The following ECHDC2 variants were observed in gnomAD, a reference collection of about 807,000 sequenced individuals.
ECHDC2 encodes the protein enoyl-CoA hydratase domain-containing protein 2, mitochondrial.
Under a neutral mutation model 40.6 loss-of-function variants are expected in ECHDC2, and 34 were observed. The ratio of observed to expected loss-of-function variants is 0.84; its 90% CI spans 0.64 to 1.11. ECHDC2 has a LOEUF of 1.11. Ranked by LOEUF, ECHDC2 falls within the 50% of genes most tolerant of loss-of-function variation. The probability of loss-of-function intolerance (pLI) is 0.00; values close to 1 mark genes in which losing one functional copy is unlikely to be tolerated. For missense variants in ECHDC2, 392 were observed against 400.7 expected (o/e 0.98, Z 0.19); for synonymous variants, 162 against 166.6 (o/e 0.97, Z 0.21).
At chr1:52,905,348 G>A (rs186542600) in intron 5 of ECHDC2, 52 of 545,914 alleles carry the variant, frequency 9.5e-5, no homozygotes, top group Non-Finnish European at 1.5e-4. Context: ...AGCCTCAAAG[G>A]TGGAAGAAAG....
chr1:52,900,045 C>T (rs1039495645), intron 7 of ECHDC2: 4 of 150,924 alleles, frequency 2.7e-5, no homozygotes, highest in Admixed American at 6.6e-5. Flanking sequence ...AGATGAATTT[C>T]CTTGATTTAC....
At chr1:52,897,676 C>T (rs1476295397) in intron 8 of ECHDC2, 192 bp from the exon 9 acceptor site, 8 of 640,084 alleles carry the variant, frequency 1.2e-5, no homozygotes, top group Non-Finnish European at 2.3e-5. Flanking sequence ...CAGACTGAGA[C>T]ATTTTGCCAG....
At chr1:52,918,244 CA>C (rs1474346122) in intron 1 of ECHDC2, among the ~76,000 whole-genome samples, 1 of 151,866 alleles carries the variant, frequency 6.6e-6, no homozygotes, top group Non-Finnish European at 1.5e-5. Flanking sequence ...AGGCTGGTCT[CA>C]AACTCCTGGG....
At chr1:52,917,969 T>C (rs1355255119) in intron 1 of ECHDC2, among the ~76,000 whole-genome samples, 1 of 152,220 alleles carries the variant, frequency 6.6e-6, no homozygotes, top group Non-Finnish European at 1.5e-5. Flanking sequence ...ACTCCTACTT[T>C]TTATTTTTAA....
chr1:52,903,553 A>G lies in ECHDC2; in HGVS notation c.702+1093T>C, dbSNP rs376777600. Among the ~76,000 whole-genome samples the G allele has an allele frequency of 6.5e-4, 99 of 151,930 alleles. No individual in the cohort carries two copies. In the East Asian group the frequency reaches 0.018, roughly 27 times the overall value. On this transcript the variant is annotated intron_variant, in intron 7 of 9. Transcript: ENST00000371522. ...AGCTTTGAATTCATGGGTTCAAGCA[A>G]TGCTTTTTCCCAAATAACTGGGATT...
In ECHDC2 at chr1:52,906,613, T is replaced by C; in HGVS notation, c.365-2A>G. 5 of 1,605,398 alleles carry C rather than the reference T, an allele frequency of 3.1e-6. No individual in the cohort carries two copies. The highest frequency in any genetic ancestry group is 4.5e-5 in the East Asian group (2 of 44,704). On this transcript the variant is annotated splice_acceptor_variant, in intron 4 of 9. Coordinates refer to ENST00000371522, the MANE Select transcript of ECHDC2 (RefSeq NM_001198961.2). LOFTEE classifies it high-confidence loss of function. ...CAATGGTGGGTGCAGGGAAGGCTGC[T>C]GTGGAGAGGAAGAAAGGCTCAGCCT...
chr1:52,910,355 T>G (rs1010155647), intron 3 of ECHDC2, among the ~76,000 whole-genome samples: 23 of 29,962 alleles, frequency 7.7e-4, no homozygotes, highest in African/African-American at 3.2e-3. Context: ...CAATTTCGTT[T>G]TTTTTTTTTT....
At chr1:52,920,267 G>T (rs1390064518) in intron 1 of ECHDC2, among the ~76,000 whole-genome samples, 2 of 152,196 alleles carry the variant, frequency 1.3e-5, no homozygotes, top group African/African-American at 4.8e-5. Context: ...GTCCACTGAA[G>T]GTGGTAGATG....
At chr1:52,908,537 C>T (rs1317839984) in intron 3 of ECHDC2, among the ~76,000 whole-genome samples, 1 of 152,080 alleles carries the variant, frequency 6.6e-6, no homozygotes, top group Non-Finnish European at 1.5e-5. Flanking sequence ...AGACAACACA[C>T]AGAATGGAAG....
In ECHDC2 at chr1:52,914,057, C is replaced by T. The variant is rs532255246; in HGVS notation, c.122-2267G>A. ...TACTAGACACCGTGATTCCAGAGAC[C>T]AGGACAGACTCAAGGCCTGTCCTCA... On this transcript the variant is annotated intron_variant, in intron 1 of 9. Transcript: ENST00000371522. This position sits in a 1 kb window ranked among gnomAD's most constrained non-coding sequence, Gnocchi z 4.0. The T allele has an allele frequency of 1.0e-5, 10 of 981,674 alleles. No individual in the cohort carries two copies. Among genetic ancestry groups the T allele is most frequent in the African/African-American group, 1.7e-5 (1 of 59,868 alleles). 60.8% of individuals were successfully genotyped at this position (981,674 alleles called of 1,614,324 possible). A position where few individuals can be genotyped will look rare whatever the true frequency, so the allele number is the denominator to read the frequency against.
rs1646720477 is a variant in ECHDC2, at chr1:52,897,609, C to T, written c.754-125G>A. On this transcript the variant is annotated intron_variant, in intron 8 of 9. Coordinates refer to ENST00000371522, the MANE Select transcript of ECHDC2 (RefSeq NM_001198961.2). ...AGAGATAGCTATGAGAAGGAATTTC[C>T]CTCCTAGAGAAGAAACACCATTCGT... 4 of 913,194 alleles carry T rather than the reference C, an allele frequency of 4.4e-6. 1 individual carries two copies. The South Asian group carries it at 5.4e-5, about 12-fold the overall frequency. The allele number at this position is 913,194 out of a possible 1,614,324, so 56.6% of individuals were successfully genotyped here.
chr1:52,909,799 G>A (rs926996976), intron 3 of ECHDC2, among the ~76,000 whole-genome samples: 1 of 152,078 alleles, frequency 6.6e-6, no homozygotes, highest in East Asian at 1.9e-4. Flanking sequence ...TTCAATCTGC[G>A]GTTGGTTGAG....
At chr1:52,907,987 G>A (rs1451684305) in intron 3 of ECHDC2, 33 bp from the exon 4 acceptor site, 1 of 1,600,414 alleles carries the variant, frequency 6.2e-7, no homozygotes, top group African/African-American at 1.3e-5. Context: ...CCAGCCCTTA[G>A]GAAAATGGCA....
At chr1:52,899,299 G>T in intron 7 of ECHDC2, 75 bp from the exon 8 acceptor site, 2 of 1,449,158 alleles carry the variant, frequency 1.4e-6, no homozygotes, top group Non-Finnish European at 1.9e-6. Flanking sequence ...GCACAGCTTT[G>T]TTTTAAAGGA....
At chr1:52,917,170 C>T (rs953182033) in intron 1 of ECHDC2, among the ~76,000 whole-genome samples, 3 of 150,864 alleles carry the variant, frequency 2.0e-5, no homozygotes, top group South Asian at 2.1e-4. Context: ...TGCAGTGGGC[C>T]GAGATCACGC....
rs1424460440 is a variant in ECHDC2, at chr1:52,899,209, G to A, written c.718C>T (p.Arg240Trp). The change falls in exon 8 of 10, where the codon CGG (arginine) becomes TGG (tryptophan). Residue 240 changes from arginine (R) to tryptophan (W), a missense_variant. By Grantham distance (101) the Arg-to-Trp change is moderately radical (BLOSUM62 -3). Coordinates refer to ENST00000371522, the MANE Select transcript of ECHDC2 (RefSeq NM_001198961.2). The stretch of plus-strand genomic sequence containing the variant: ...CGGTCAATGGCTACTTTGCCCAGCC[G>A]CACGGCAATGGGGGCCTAGGGAAAA... ...EILPQAPIAV[R>W]LGKVAIDRGT... The A allele has an allele frequency of 4.3e-6, 7 of 1,613,424 alleles. No individual in the cohort carries two copies. In the African/African-American group the frequency reaches 5.4e-5, roughly 12 times the overall value.
intron 5 of ECHDC2, chr1:52,905,783 G>A (rs965683910): frequency 6.1e-6 from 1 of 164,618 alleles, no homozygotes; most frequent in African/African-American, 2.4e-5. Flanking sequence ...GTGGGCATGT[G>A]AGAAGGAGAG....
Position 52,914,441 on chromosome 1 carries a change from A to G in ECHDC2, c.122-2651T>C, listed in dbSNP as rs1339169622. On this transcript the variant is annotated intron_variant, in intron 1 of 9. Coordinates refer to ENST00000371522, the MANE Select transcript of ECHDC2 (RefSeq NM_001198961.2). This position sits in a 1 kb window ranked among gnomAD's most constrained non-coding sequence, Gnocchi z 4.0. The stretch of plus-strand genomic sequence containing the variant: ...TTGCAGGCAGAGGGAGTGGCAGAGA[A>G]GAGGGCCCAGGTGTGGGACTGCAGG... Among the ~76,000 whole-genome samples the G allele has an allele frequency of 6.6e-6, 1 of 152,134 alleles. No individual in the cohort carries two copies. Among genetic ancestry groups the G allele is most frequent in the African/African-American group, 2.4e-5 (1 of 41,428 alleles).
intron 8 of ECHDC2, chr1:52,898,234 A>C (rs1318704496): frequency 1.3e-5 from 2 of 152,332 alleles, no homozygotes; most frequent in East Asian, 3.9e-4. Flanking sequence ...TTATTTATTT[A>C]TTTTGAGACG....
Sources: gnomAD v4.1 joint callset for allele counts (sites outside exome capture counted in the v4.1 genomes callset) on GRCh38, gnomAD v4.1.1 for gene constraint, Gnocchi (gnomAD v3.1) non-coding constraint, MANE v1.5 for transcripts, NCBI Gene and HGNC (gene_info 2026-07-23, HGNC 2026-07-21) for gene names.